Variants in CUX1 observed in about 807,000 individuals in gnomAD.
CUX1 encodes the protein cut like homeobox 1.
Under a neutral mutation model 158.8 loss-of-function variants are expected in CUX1, and 31 were observed. That is an observed-to-expected ratio of 0.20 (90% confidence interval 0.15 to 0.26). The LOEUF is 0.26. Among genes scored for constraint, CUX1 ranks in the 10% least tolerant of loss-of-function variants. The pLI, the probability that CUX1 is intolerant of heterozygous loss-of-function variation, is 1.00. For missense variants in CUX1, 1,589 were observed against 2,014.6 expected (o/e 0.79, Z 4.04); for synonymous variants, 879 against 862.1 (o/e 1.02, Z -0.34).
chr7:101,858,219 C>T (rs1263824185), intron 1 of CUX1, among the ~76,000 whole-genome samples: 1 of 152,198 alleles, frequency 6.6e-6, no homozygotes, highest in Admixed American at 6.5e-5. Context: ...TATGTAGATT[C>T]CTTAAGAATA....
intron 17 of CUX1, among the ~76,000 whole-genome samples, chr7:102,276,745 T>C (rs1791632768): frequency 6.6e-6 from 1 of 152,180 alleles, no homozygotes; most frequent in Non-Finnish European, 1.5e-5. Context: ...ACATTCGGTA[T>C]AGGCAAATCC....
exon 20 of CUX1, chr7:102,280,848 C>T (rs372229678): frequency 1.7e-5 from 27 of 1,612,524 alleles, no homozygotes; most frequent in Non-Finnish European, 2.1e-5. Flanking sequence ...GGGACAAGGC[C>T]ACCCTCAGCA....
intron 2 of CUX1, among the ~76,000 whole-genome samples, chr7:102,008,801 C>A (rs1817669131): frequency 6.6e-6 from 1 of 152,176 alleles, no homozygotes; most frequent in South Asian, 2.1e-4. Context: ...GGAGGCGAGA[C>A]CACAGCACAG....
intron 1 of CUX1, among the ~76,000 whole-genome samples, chr7:101,844,777 G>A (rs759536941): frequency 1.3e-5 from 2 of 151,812 alleles, no homozygotes; most frequent in Non-Finnish European, 2.9e-5. Context: ...CCCCATGCCC[G>A]GCTAATTTTT....
In CUX1 at chr7:102,255,637, G is replaced by C. The variant is rs1329331359; in HGVS notation, c.*6595G>C. Reference sequence around the variant, plus strand: ...CTATGTATCAAGCTTTCTGTAATCAGAAAGAAAAGGTGCCTTATATCCCAA... The same window carrying C: ...CTATGTATCAAGCTTTCTGTAATCACAAAGAAAAGGTGCCTTATATCCCAA... On this transcript the variant is annotated 3_prime_UTR_variant, in exon 24 of 24. Coordinates refer to ENST00000292535, the MANE Select transcript of CUX1 (RefSeq NM_181552.4). 2 of 985,342 alleles carry C rather than the reference G, an allele frequency of 2.0e-6. No individual in the cohort carries two copies. The highest frequency in any genetic ancestry group is 2.4e-6 in the Non-Finnish European group (2 of 829,910). 61.0% of individuals were successfully genotyped at this position (985,342 alleles called of 1,614,324 possible).
At chr7:102,235,461 G>A (rs1461741739) in intron 22 of CUX1, among the ~76,000 whole-genome samples, 1 of 152,134 alleles carries the variant, frequency 6.6e-6, no homozygotes, top group Non-Finnish European at 1.5e-5. Flanking sequence ...AGCACTTTGG[G>A]AGTCCGAGGC....
Position 102,255,401 on chromosome 7 carries a change from CAAAAA to C in CUX1, c.*6365_*6369del, listed in dbSNP as rs369833653. On this transcript the variant is annotated 3_prime_UTR_variant, in exon 24 of 24. Transcript: ENST00000292535. ...GAAAAATCCCAAAAAAAAAAAAAGA[CAAAAA>C]AAAAAGGCTGGCGAGAGAAAGACAT... is the stretch of plus-strand genomic sequence containing the variant. 1.3e-5 allele frequency: 12 copies of C among 903,080 alleles called. No individual in the cohort carries two copies. The highest frequency in any genetic ancestry group is 1.6e-5 in the Non-Finnish European group (12 of 768,252). The allele number at this position is 903,080 out of a possible 1,614,324, so 55.9% of individuals were successfully genotyped here.
intron 18 of CUX1, among the ~76,000 whole-genome samples, chr7:102,202,443 T>G (rs1416343696): frequency 2.0e-5 from 3 of 152,148 alleles, no homozygotes; most frequent in African/African-American, 7.2e-5. Context: ...CATGCTGCCC[T>G]TTCGACCCCT....
intron 20 of CUX1, among the ~76,000 whole-genome samples, chr7:102,224,433 C>A (rs1261042430): frequency 2.0e-5 from 3 of 152,204 alleles, no homozygotes; most frequent in Non-Finnish European, 2.9e-5. Flanking sequence ...TCTCAAACTC[C>A]TGTCTTCCAA....
intron 13 of CUX1, 32 bp from the exon 14 acceptor site, chr7:102,195,475 C>A (rs782651483): frequency 6.3e-7 from 1 of 1,579,012 alleles, no homozygotes; most frequent in South Asian, 1.1e-5. Context: ...GTGGCCGGCC[C>A]CGCAGTGAGA....
chr7:101,920,647 T>C (rs539004007), intron 2 of CUX1, among the ~76,000 whole-genome samples: 3 of 152,388 alleles, frequency 2.0e-5, no homozygotes, highest in African/African-American at 7.2e-5. Flanking sequence ...ATATTGTGTC[T>C]TTTTAATCCA....
At position 102,100,987 on chromosome 7, in the gene CUX1, G is replaced by T. The variant is rs377033878; in HGVS notation, c.407-3349G>T. Among the ~76,000 whole-genome samples the T allele has an allele frequency of 1.2e-3, 180 of 152,292 alleles. 1 individual carries two copies. The highest frequency in any genetic ancestry group is 4.2e-3 in the African/African-American group (173 of 41,562). On this transcript the variant is annotated intron_variant, in intron 5 of 23. Coordinates refer to ENST00000292535, the MANE Select transcript of CUX1 (RefSeq NM_181552.4). ...AGGAAGCTTTTACTCATGGCAGAAG[G>T]TGAAAGAGGATCAGGCATGCCACAG...
At chr7:102,173,633 G>A (rs1456927189) in intron 10 of CUX1, among the ~76,000 whole-genome samples, 1 of 152,162 alleles carries the variant, frequency 6.6e-6, no homozygotes, top group African/African-American at 2.4e-5. Context: ...CGTCCATTCT[G>A]ATGTGTCTAC....
At chr7:102,189,399 A>T (rs868942223) in intron 11 of CUX1, among the ~76,000 whole-genome samples, 7 of 83,652 alleles carry the variant, frequency 8.4e-5, no homozygotes, top group Middle Eastern at 7.1e-3. Context: ...TTTTTTTAAA[A>T]AAAAAAGAGG....
At chr7:101,989,845 G>A (rs1325442249) in intron 2 of CUX1, among the ~76,000 whole-genome samples, 2 of 152,212 alleles carry the variant, frequency 1.3e-5, no homozygotes, top group Non-Finnish European at 2.9e-5. Flanking sequence ...GACAAGGTGG[G>A]CCTGGAGCAG....
chr7:101,829,974 G>C (rs1478901829), intron 1 of CUX1, among the ~76,000 whole-genome samples: 1 of 152,222 alleles, frequency 6.6e-6, no homozygotes, highest in Non-Finnish European at 1.5e-5. Flanking sequence ...GCCTGGTCAT[G>C]GGGCCGGAGG....
chr7:102,130,695 G>A (rs1554496868), intron 8 of CUX1, among the ~76,000 whole-genome samples: 1 of 151,910 alleles, frequency 6.6e-6, no homozygotes, highest in Non-Finnish European at 1.5e-5. Flanking sequence ...AAAAAATTAT[G>A]TAGTGTTGAG....
chr7:102,193,961 T>G, intron 13 of CUX1, 71 bp downstream of exon 13: 1 of 1,435,832 alleles, frequency 7.0e-7, no homozygotes, highest in Non-Finnish European at 9.8e-7. Flanking sequence ...CCCTCCGGCA[T>G]ATCCCATGAT....
intron 2 of CUX1, among the ~76,000 whole-genome samples, chr7:102,021,611 T>TTC (rs1554455351): frequency 1.1e-4 from 8 of 74,560 alleles, no homozygotes; most frequent in African/African-American, 3.0e-4. Context: ...TACTTTTTTT[T>TTC]CTCTTTTTTT....
Sources: gnomAD v4.1 joint callset for allele counts (sites outside exome capture counted in the v4.1 genomes callset) on GRCh38, gnomAD v4.1.1 for gene constraint, MANE v1.5 for transcripts, NCBI Gene and HGNC (gene_info 2026-07-23, HGNC 2026-07-21) for gene names.